The following ARHGAP44 variants were observed in gnomAD, a reference collection of about 807,000 sequenced individuals.
ARHGAP44 encodes the protein Rho GTPase activating protein 44, also known as rho GTPase-activating protein 44.
Under a neutral mutation model 106.8 loss-of-function variants are expected in ARHGAP44, and 43 were observed. The observed-to-expected ratio is 0.40, with a 90% CI of 0.32 to 0.52. ARHGAP44 has a LOEUF of 0.52. Ranked by LOEUF, ARHGAP44 falls within the 20% of genes least tolerant of loss-of-function variation. ARHGAP44 has a pLI of 0.48. For synonymous variants in ARHGAP44, 439 were observed against 410.3 expected (o/e 1.07, Z -0.85); for missense variants, 866 against 1,050.5 (o/e 0.82, Z 2.43).
chr17:12,823,304 A>G (rs1365199370), intron 1 of ARHGAP44, among the ~76,000 whole-genome samples: 1 of 152,142 alleles, frequency 6.6e-6, no homozygotes, highest in Admixed American at 6.5e-5. Flanking sequence ...GTGAGCCCCA[A>G]TTCTTGCCTC....
chr17:12,905,810 C>T (rs1015289366), intron 3 of ARHGAP44, among the ~76,000 whole-genome samples: 6 of 152,214 alleles, frequency 3.9e-5, no homozygotes. Flanking sequence ...ATGTTTATCA[C>T]AAACCAGAAT....
chr17:12,952,355 TAAC>T (rs1193106053), intron 12 of ARHGAP44, 143 bp from the exon 13 acceptor site: 3 of 689,132 alleles, frequency 4.4e-6, no homozygotes, highest in Non-Finnish European at 7.3e-6. Flanking sequence ...GGGTAAATAA[TAAC>T]AACCAAATTT....
At chr17:12,957,608 C>G (rs1342030770) in intron 15 of ARHGAP44, among the ~76,000 whole-genome samples, 1 of 151,952 alleles carries the variant, frequency 6.6e-6, no homozygotes, top group Non-Finnish European at 1.5e-5. Context: ...TTTTTTAATG[C>G]CTGCTTCAAA....
Position 12,949,151 on chromosome 17 carries a change from A to C in ARHGAP44, c.873A>C (p.Arg291=), listed in dbSNP as rs375704323. The change falls in exon 11 of 21, where the codon CGA becomes CGC. Residue 291 remains arginine, a synonymous_variant. Transcript: ENST00000379672. The surrounding 1 kb of genome is among the most constrained non-coding windows in gnomAD (Gnocchi z 4.1). ...ECGMQEEGLF[R]VAPSASKLKK... ...TGTCCTGTTGGTAGGGACTCTTCCG[A>C]GTAGCCCCCTCTGCCTCCAAACTGA... is the stretch of plus-strand genomic sequence containing the variant. 3.2e-6 allele frequency: 5 copies of C among 1,570,464 alleles called. No individual in the cohort carries two copies. The African/African-American group carries it at 6.8e-5, about 21-fold the overall frequency.
chr17:12,889,395 A>G (rs1006379493), intron 1 of ARHGAP44, among the ~76,000 whole-genome samples: 4 of 152,182 alleles, frequency 2.6e-5, no homozygotes, highest in African/African-American at 9.7e-5. Context: ...ACATTATAAC[A>G]TGGCAGAAGG....
intron 16 of ARHGAP44, among the ~76,000 whole-genome samples, chr17:12,967,249 CTTTTTTTTT>C (rs57651305): frequency 0.091 from 8,458 of 93,142 alleles, 527 homozygotes; most frequent in African/African-American, 0.18. Flanking sequence ...ACTCTTTTTG[CTTTTTTTTT>C]TTTTTTTTTT....
chr17:12,900,634 G>A (rs918657893), intron 3 of ARHGAP44, among the ~76,000 whole-genome samples: 33 of 152,158 alleles, frequency 2.2e-4, no homozygotes, highest in African/African-American at 7.7e-4. Flanking sequence ...CACGCAAGGC[G>A]GTGTGTATGC....
rs1278929592 is a variant in ARHGAP44, at chr17:12,974,224, G to A, written c.1677G>A (p.Pro559=). 3.2e-6 allele frequency: 5 copies of A among 1,545,970 alleles called. No homozygotes were observed. The highest frequency in any genetic ancestry group is 2.0e-5 in the Admixed American group (1 of 50,822). The change falls in exon 18 of 21, where the codon CCG becomes CCA. Residue 559 remains proline (P), a synonymous_variant. Coordinates refer to ENST00000379672, the MANE Select transcript of ARHGAP44 (RefSeq NM_014859.6). ...PAELAAPLPS[P]LPEQPLDSPA... is the part of the protein sequence containing the mutation. ...AGCTGGCTGCGCCCCTGCCTTCGCC[G>A]CTGCCGGAGCAGCCCCTGGACAGCC...
chr17:12,971,959 G>T (rs959406578), intron 16 of ARHGAP44, among the ~76,000 whole-genome samples: 1 of 152,100 alleles, frequency 6.6e-6, no homozygotes, highest in African/African-American at 2.4e-5. Context: ...CCCACCTTCT[G>T]CAACCAAATC....
intron 1 of ARHGAP44, among the ~76,000 whole-genome samples, chr17:12,825,862 A>C (rs983088183): frequency 3.9e-5 from 6 of 152,218 alleles, no homozygotes; most frequent in Non-Finnish European, 5.9e-5. Context: ...TGACATGTAG[A>C]AGGCAGTCAG....
At chr17:12,959,783 C>T (rs2039215261) in intron 16 of ARHGAP44, among the ~76,000 whole-genome samples, 1 of 152,204 alleles carries the variant, frequency 6.6e-6, no homozygotes, top group South Asian at 2.1e-4. Context: ...GTAGCAAGTG[C>T]TCCTTTAGGA....
chr17:12,829,806 A>G (rs546819192), intron 1 of ARHGAP44, among the ~76,000 whole-genome samples: 2 of 152,192 alleles, frequency 1.3e-5, no homozygotes, highest in Admixed American at 6.5e-5. Context: ...TCGTAGTCCT[A>G]CTGCCCCACA....
chr17:12,947,863 C>G (rs2038894846), intron 10 of ARHGAP44, among the ~76,000 whole-genome samples: 1 of 152,224 alleles, frequency 6.6e-6, no homozygotes, highest in Non-Finnish European at 1.5e-5. Flanking sequence ...AGCTTCCTCA[C>G]ATATATGCCC....
intron 1 of ARHGAP44, among the ~76,000 whole-genome samples, chr17:12,833,591 A>G (rs961037317): frequency 6.6e-6 from 1 of 152,154 alleles, no homozygotes. Context: ...GTCACACTCT[A>G]TAAAATATTT....
At chr17:12,944,238 C>T (rs1050048608) in intron 10 of ARHGAP44, 42 bp downstream of exon 10, 5 of 1,550,762 alleles carry the variant, frequency 3.2e-6, no homozygotes, top group Non-Finnish European at 4.4e-6. Flanking sequence ...GGCAGGTCTC[C>T]TCTTCCACGA....
At chr17:12,945,539 A>G (rs1188135687) in intron 10 of ARHGAP44, among the ~76,000 whole-genome samples, 1 of 152,192 alleles carries the variant, frequency 6.6e-6, no homozygotes, top group Non-Finnish European at 1.5e-5. Flanking sequence ...TGAATCTAGC[A>G]TCTCTCAGTT....
At chr17:12,852,083 C>G (rs1010742677) in intron 1 of ARHGAP44, among the ~76,000 whole-genome samples, 3 of 149,874 alleles carry the variant, frequency 2.0e-5, no homozygotes, top group Non-Finnish European at 4.4e-5. Context: ...CCATTTGTTC[C>G]TTGTCTGGGT....
At chr17:12,931,086 T>A (rs1447157112) in intron 7 of ARHGAP44, among the ~76,000 whole-genome samples, 1 of 152,224 alleles carries the variant, frequency 6.6e-6, no homozygotes, top group Non-Finnish European at 1.5e-5. Flanking sequence ...TTCTGTTTTG[T>A]TTTGAGACAG....
intron 6 of ARHGAP44, among the ~76,000 whole-genome samples, chr17:12,920,980 G>A (rs1460032085): frequency 6.6e-6 from 1 of 152,074 alleles, no homozygotes; most frequent in Non-Finnish European, 1.5e-5. Flanking sequence ...GAAAAAGGCA[G>A]GTGCGTGAGT....
Sources: allele counts gnomAD v4.1 joint callset (sites outside exome capture counted in the v4.1 genomes callset), GRCh38; gene constraint gnomAD v4.1.1; non-coding constraint Gnocchi (gnomAD v3.1); transcripts MANE v1.5; gene names NCBI Gene and HGNC (gene_info 2026-07-23, HGNC 2026-07-21).